The following ABR variants were observed in gnomAD, a reference collection of about 807,000 sequenced individuals.
The protein encoded by ABR is active breakpoint cluster region-related protein.
ABR carries 35 observed loss-of-function variants against 107.2 expected under a neutral mutation model. The observed-to-expected ratio is 0.33, with a 90% CI of 0.25 to 0.43. The LOEUF is 0.43. Among genes scored for constraint, ABR ranks in the 20% least tolerant of loss-of-function variants. ABR has a pLI of 1.00. For synonymous variants in ABR, 498 were observed against 462.0 expected (o/e 1.08, Z -1.00); for missense variants, 815 against 1,115.2 (o/e 0.73, Z 3.83).
chr17:1,176,638 G>C (rs1390495459), intron 1 of ABR, among the ~76,000 whole-genome samples: 2 of 152,162 alleles, frequency 1.3e-5, no homozygotes, highest in Non-Finnish European at 2.9e-5. Flanking sequence ...CTGAGGTCAG[G>C]AGTTCGAGAC....
intron 2 of ABR, among the ~76,000 whole-genome samples, chr17:1,112,107 G>A (rs562863422): frequency 1.3e-5 from 2 of 152,050 alleles, no homozygotes; most frequent in South Asian, 2.1e-4. Flanking sequence ...ACACCCACAC[G>A]ACCACACGTA....
intron 16 of ABR, among the ~76,000 whole-genome samples, chr17:1,033,257 T>C (rs2072941784): frequency 6.6e-6 from 1 of 152,136 alleles, no homozygotes; most frequent in African/African-American, 2.4e-5. Flanking sequence ...CCTTGGTGTT[T>C]TTGAGGAATA....
chr17:1,040,584 C>G (rs957531137), intron 16 of ABR, among the ~76,000 whole-genome samples: 6 of 152,226 alleles, frequency 3.9e-5, no homozygotes, highest in African/African-American at 1.4e-4. Context: ...AAGGCCCCGA[C>G]CCAGGGGACC....
At chr17:1,204,901 C>CTTTTTTTTTTTT (rs869034249) in intron 1 of ABR, among the ~76,000 whole-genome samples, 12 of 32,116 alleles carry the variant, frequency 3.7e-4, no homozygotes, top group African/African-American at 9.7e-4. Context: ...TTTTCTTTTT[C>CTTTTTTTTTTTT]TTTTTTTTTT....
intron 16 of ABR, 168 bp downstream of exon 16, chr17:1,049,882 A>G: frequency 1.1e-6 from 1 of 939,944 alleles, no homozygotes; most frequent in Non-Finnish European, 1.6e-6. Context: ...CGGGGCCACA[A>G]CAGGCAGCCA....
chr17:1,185,654 T>TAAAC (rs2042266111), intron 1 of ABR, among the ~76,000 whole-genome samples: 11 of 39,352 alleles, frequency 2.8e-4, no homozygotes, highest in African/African-American at 1.1e-3. Context: ...CAGAAAGAAA[T>TAAAC]AAAAAAAAAA....
chr17:1,179,868 G>T lies in ABR; in HGVS notation c.-141C>A, dbSNP rs2042062873. ...CGGGAACCAGGTCCCCGGGAGGAGCGCGGGGCGGCCGGGGCAGGGGCGAGG... is the reference window on the plus strand; with the variant it reads ...CGGGAACCAGGTCCCCGGGAGGAGCTCGGGGCGGCCGGGGCAGGGGCGAGG... On this transcript the variant is annotated 5_prime_UTR_variant, in exon 1 of 23. Coordinates refer to ENST00000302538, the MANE Select transcript of ABR (RefSeq NM_021962.5). The surrounding 1 kb of genome is among the most constrained non-coding windows in gnomAD (Gnocchi z 4.9). The T allele has an allele frequency of 3.5e-6, 3 of 862,334 alleles. No individual in the cohort carries two copies. Among genetic ancestry groups the T allele is most frequent in the Non-Finnish European group, 4.8e-6 (3 of 619,292 alleles). 53.4% of individuals were successfully genotyped at this position (862,334 alleles called of 1,614,324 possible). A position where few individuals can be genotyped will look rare whatever the true frequency, so the allele number is the denominator to read the frequency against.
intron 6 of ABR, among the ~76,000 whole-genome samples, chr17:1,075,062 C>T (rs1035972763): frequency 6.6e-6 from 1 of 152,242 alleles, no homozygotes. Flanking sequence ...GCTGGGAGGA[C>T]GCAGGCAAGG....
chr17:1,055,942 T>C, intron 14 of ABR, 93 bp downstream of exon 14: 8 of 1,230,842 alleles, frequency 6.5e-6, no homozygotes, highest in Non-Finnish European at 9.5e-6. Flanking sequence ...GAATGCCCCA[T>C]GTCTAAAGGC....
At chr17:1,197,744 G>C (rs1368900480) in intron 1 of ABR, among the ~76,000 whole-genome samples, 1 of 151,462 alleles carries the variant, frequency 6.6e-6, no homozygotes, top group African/African-American at 2.4e-5. Flanking sequence ...GCTCCTGATT[G>C]CTCCCTATAG....
At chr17:1,159,124 T>C (rs184886268) in intron 1 of ABR, among the ~76,000 whole-genome samples, 14 of 152,320 alleles carry the variant, frequency 9.2e-5, no homozygotes, top group Admixed American at 2.6e-4. Context: ...AAACCAACTA[T>C]ATTAAACTAC....
chr17:1,168,025 G>A (rs996890647), intron 1 of ABR, among the ~76,000 whole-genome samples: 19 of 151,324 alleles, frequency 1.3e-4, no homozygotes, highest in Non-Finnish European at 2.4e-4. Context: ...GGTGGCGCAC[G>A]CCTGTAATCC....
chr17:1,183,696 G>T (rs2042205228), upstream of ABR, among the ~76,000 whole-genome samples: 1 of 152,152 alleles, frequency 6.6e-6, no homozygotes, highest in Admixed American at 6.5e-5. Context: ...AAGGCCCCAG[G>T]AGTCTCTGCT....
rs1446171301 is a variant in ABR at position 1,071,806 on chromosome 17, A to G, written c.894+808T>C. Among the ~76,000 whole-genome samples the G allele has an allele frequency of 6.6e-6, 1 of 152,246 alleles. No homozygotes were observed. Among genetic ancestry groups the G allele is most frequent in the East Asian group, 1.9e-4 (1 of 5,190 alleles). On this transcript the variant is annotated intron_variant, in intron 8 of 22. Coordinates refer to ENST00000302538, the MANE Select transcript of ABR (RefSeq NM_021962.5). The surrounding 1 kb of genome is among the most constrained non-coding windows in gnomAD (Gnocchi z 5.1). ...ACTTCCCCGGCGTGGGCCTCCAGAC[A>G]GTCCCAGGTGAGGAATCCAGCTCTG...
At chr17:1,067,328 T>A in intron 9 of ABR, 86 bp from the exon 10 acceptor site, 1 of 1,240,696 alleles carries the variant, frequency 8.1e-7, no homozygotes, top group East Asian at 2.8e-5. Flanking sequence ...ACAGAACCAC[T>A]GACAGGGGTT....
intron 1 of ABR, among the ~76,000 whole-genome samples, chr17:1,127,830 A>G (rs2039665363): frequency 6.6e-6 from 1 of 152,162 alleles, no homozygotes; most frequent in East Asian, 1.9e-4. Flanking sequence ...GTCTCCCCAC[A>G]TGCACAGTTC....
intron 16 of ABR, among the ~76,000 whole-genome samples, chr17:1,018,311 G>A (rs2071357772): frequency 6.6e-6 from 1 of 152,132 alleles, no homozygotes; most frequent in African/African-American, 2.4e-5. Flanking sequence ...CAAAGTGCTG[G>A]GATTACGGGC....
intron 11 of ABR, 82 bp from the exon 12 acceptor site, chr17:1,058,127 T>G: frequency 5.5e-5 from 33 of 598,770 alleles, no homozygotes; most frequent in Non-Finnish European, 8.8e-5. Context: ...CCAACAAAGC[T>G]CCTTTTATCT....
chr17:1,225,791 C>T (rs1328820410), intron 1 of ABR, among the ~76,000 whole-genome samples: 1 of 152,148 alleles, frequency 6.6e-6, no homozygotes, highest in African/African-American at 2.4e-5. Context: ...TTTCTCATAT[C>T]AACAGCAGGA....
Sources: gnomAD v4.1 joint callset for allele counts (sites outside exome capture counted in the v4.1 genomes callset) on GRCh38, gnomAD v4.1.1 for gene constraint, Gnocchi (gnomAD v3.1) non-coding constraint, MANE v1.5 for transcripts, NCBI Gene and HGNC (gene_info 2026-07-23, HGNC 2026-07-21) for gene names.